The following RPS6KC1 variants were observed in gnomAD, a reference collection of about 807,000 sequenced individuals.
RPS6KC1 encodes inactive ribosomal protein S6 kinase delta-1.
RPS6KC1 carries 54 observed loss-of-function variants against 103.8 expected under a neutral mutation model. The ratio of observed to expected loss-of-function variants is 0.52; its 90% CI spans 0.42 to 0.65. The LOEUF (loss-of-function observed/expected upper bound fraction) is 0.65, where lower values mean the gene tolerates loss of function less well. Among genes scored for constraint, RPS6KC1 ranks in the 30% least tolerant of loss-of-function variants. The pLI is 0.00. For synonymous variants in RPS6KC1, 439 were observed against 438.7 expected (o/e 1.00, Z -0.01); for missense variants, 1,151 against 1,253.8 (o/e 0.92, Z 1.24).
At chr1:213,768,643 C>T in the RPS6KC1 span, among the ~76,000 whole-genome samples, 1 of 152,224 alleles carries the variant, frequency 6.6e-6, no homozygotes, top group Admixed American at 6.5e-5. Context: ...ACCCCCAACT[C>T]TGATCTCCCT....
chr1:213,709,410 T>G, the RPS6KC1 span, among the ~76,000 whole-genome samples: 1 of 152,230 alleles, frequency 6.6e-6, no homozygotes, highest in Non-Finnish European at 1.5e-5. Context: ...CTTTATCATT[T>G]TATATTGTGT....
the RPS6KC1 span, among the ~76,000 whole-genome samples, chr1:213,788,584 G>A: frequency 6.6e-6 from 1 of 152,086 alleles, no homozygotes; most frequent in African/African-American, 2.4e-5. Flanking sequence ...CCATGCAGCA[G>A]CTGTGATGGA....
At chr1:213,726,616 A>G in the RPS6KC1 span, among the ~76,000 whole-genome samples, 1 of 152,234 alleles carries the variant, frequency 6.6e-6, no homozygotes, top group South Asian at 2.1e-4. Flanking sequence ...TTGCTTAAGC[A>G]TCTAAGAATA....
the RPS6KC1 span, among the ~76,000 whole-genome samples, chr1:213,568,215 A>G: frequency 6.6e-6 from 1 of 152,224 alleles, no homozygotes; most frequent in Non-Finnish European, 1.5e-5. Flanking sequence ...TGGTTTGCCT[A>G]GGATAAGGTA....
the RPS6KC1 span, among the ~76,000 whole-genome samples, chr1:213,354,671 A>G: frequency 6.6e-6 from 1 of 152,274 alleles, no homozygotes; most frequent in South Asian, 2.1e-4. Flanking sequence ...ACACATGGCA[A>G]GGGGGCTGAG....
At chr1:213,676,671 G>A in the RPS6KC1 span, among the ~76,000 whole-genome samples, 1 of 152,316 alleles carries the variant, frequency 6.6e-6, no homozygotes, top group East Asian at 1.9e-4. Context: ...ACTTTTGAAT[G>A]AGGGCAACAA....
chr1:213,495,514 G>T, the RPS6KC1 span, among the ~76,000 whole-genome samples: 4 of 152,232 alleles, frequency 2.6e-5, no homozygotes, highest in East Asian at 5.8e-4. Flanking sequence ...TAGAGACGGG[G>T]TTTCACCATG....
the RPS6KC1 span, among the ~76,000 whole-genome samples, chr1:213,454,290 A>G: frequency 2.0e-5 from 3 of 152,194 alleles, no homozygotes; most frequent in African/African-American, 4.8e-5. Context: ...CTTAATATCA[A>G]TCTGACACCC....
At chr1:213,466,529 T>G in the RPS6KC1 span, among the ~76,000 whole-genome samples, 3,040 of 152,226 alleles carry the variant, frequency 0.02, 107 homozygotes, top group African/African-American at 0.07. Flanking sequence ...GGCAACAGAA[T>G]GGCAAAGAGA....
At chr1:213,588,422 C>T in the RPS6KC1 span, among the ~76,000 whole-genome samples, 1 of 151,912 alleles carries the variant, frequency 6.6e-6, no homozygotes. Flanking sequence ...CCTCAGCCTC[C>T]TGAGTGGCTG....
At chr1:213,493,068 A>T in the RPS6KC1 span, among the ~76,000 whole-genome samples, 2 of 152,216 alleles carry the variant, frequency 1.3e-5, no homozygotes, top group African/African-American at 4.8e-5. Context: ...AGGAGACATT[A>T]TTTGTAGTCA....
the RPS6KC1 span, among the ~76,000 whole-genome samples, chr1:213,388,136 C>T: frequency 6.6e-6 from 1 of 152,266 alleles, no homozygotes; most frequent in South Asian, 2.1e-4. Flanking sequence ...CCTGCTGCGA[C>T]ATTTGGCTAC....
chr1:213,147,377 G>T (rs1453555858), intron 6 of RPS6KC1, among the ~76,000 whole-genome samples: 1 of 152,148 alleles, frequency 6.6e-6, no homozygotes, highest in African/African-American at 2.4e-5. Flanking sequence ...TTTGTGTATG[G>T]CAAGAGATAG....
chr1:213,463,673 C>G, the RPS6KC1 span, among the ~76,000 whole-genome samples: 1 of 152,136 alleles, frequency 6.6e-6, no homozygotes, highest in Non-Finnish European at 1.5e-5. Context: ...GTCTTGCCCT[C>G]AAGAGTTGGC....
intron 1 of RPS6KC1, among the ~76,000 whole-genome samples, chr1:213,057,346 AT>A (rs1425826960): frequency 2.0e-5 from 3 of 152,156 alleles, no homozygotes; most frequent in African/African-American, 7.2e-5. Context: ...CTTTTCAAGT[AT>A]TGATTTTTAA....
chr1:213,326,666 G>GGCT, the RPS6KC1 span, among the ~76,000 whole-genome samples: 2 of 152,224 alleles, frequency 1.3e-5, no homozygotes, highest in South Asian at 4.1e-4. Flanking sequence ...GAGCAACTGA[G>GGCT]GCTTGTTTGT....
chr1:213,344,823 C>T, the RPS6KC1 span, among the ~76,000 whole-genome samples: 5 of 152,342 alleles, frequency 3.3e-5, no homozygotes, highest in South Asian at 2.1e-4. Flanking sequence ...GCATGAGCCA[C>T]TGCACCCACC....
chr1:213,102,971 C>T (rs372907978), intron 3 of RPS6KC1, among the ~76,000 whole-genome samples: 2 of 152,126 alleles, frequency 1.3e-5, no homozygotes, highest in African/African-American at 4.8e-5. Context: ...CTTTGGGAGG[C>T]CTAGATGGGA....
the RPS6KC1 span, among the ~76,000 whole-genome samples, chr1:213,708,572 A>C: frequency 6.6e-6 from 1 of 152,188 alleles, no homozygotes; most frequent in Non-Finnish European, 1.5e-5. Context: ...CCTTGGCCAG[A>C]ACTTCCAATA....
Sources: gnomAD v4.1 joint callset for allele counts (sites outside exome capture counted in the v4.1 genomes callset) on GRCh38, gnomAD v4.1.1 for gene constraint, MANE v1.5 for transcripts, NCBI Gene and HGNC (gene_info 2026-07-23, HGNC 2026-07-21) for gene names.